Variants in MYO16 observed in about 807,000 individuals in gnomAD.
The protein encoded by MYO16 is myosin XVI, also known as unconventional myosin-XVI.
Under a neutral mutation model 205.3 loss-of-function variants are expected in MYO16, and 94 were observed. The ratio of observed to expected loss-of-function variants is 0.46; its 90% CI spans 0.39 to 0.54. The LOEUF (loss-of-function observed/expected upper bound fraction) is 0.54. MYO16 is among the 20% of genes least tolerant of loss of function. MYO16 has a pLI of 0.00. For missense variants in MYO16, 2,315 were observed against 2,387.5 expected (o/e 0.97, Z 0.63); for synonymous variants, 988 against 954.0 (o/e 1.04, Z -0.66).
the MYO16 span, among the ~76,000 whole-genome samples, chr13:108,541,926 A>G: frequency 5.3e-5 from 8 of 152,346 alleles, no homozygotes; most frequent in South Asian, 1.7e-3. Context: ...GACAAAAAAC[A>G]GAGCTACCAT....
At chr13:108,723,852 T>C (rs970394373) in intron 3 of MYO16, among the ~76,000 whole-genome samples, 1 of 151,196 alleles carries the variant, frequency 6.6e-6, no homozygotes, top group Non-Finnish European at 1.5e-5. Flanking sequence ...TCAATATCTA[T>C]AAAAAAAAAC....
intron 33 of MYO16, 115 bp downstream of exon 33, chr13:109,165,174 G>C (rs2139877603): frequency 1.4e-6 from 1 of 739,496 alleles, no homozygotes; most frequent in Middle Eastern, 3.3e-4. Flanking sequence ...CTGGAAAATA[G>C]AATATAAACC....
chr13:108,747,486 A>C lies in MYO16; in HGVS notation c.507+19903A>C, dbSNP rs1031095787. On this transcript the variant is annotated intron_variant, in intron 4 of 34. Transcript: ENST00000457511. Reference sequence around the variant, plus strand: ...GAAGGTAGATTTGGATTAGTTAAAAATGTATATTGGAAACTTTAGAACAAC... The same window carrying C: ...GAAGGTAGATTTGGATTAGTTAAAACTGTATATTGGAAACTTTAGAACAAC... Among the ~76,000 whole-genome samples, 5 of 152,180 alleles carry C rather than the reference A, an allele frequency of 3.3e-5. No individual in the cohort carries two copies. The East Asian group carries it at 9.6e-4, about 29-fold the overall frequency.
chr13:109,016,212 C>G (rs1023452399), intron 22 of MYO16, among the ~76,000 whole-genome samples: 1 of 152,128 alleles, frequency 6.6e-6, no homozygotes, highest in African/African-American at 2.4e-5. Flanking sequence ...CCCTTCATTT[C>G]GTGATTTACC....
chr13:108,688,360 C>T (rs1049717371), intron 2 of MYO16, among the ~76,000 whole-genome samples: 9 of 152,114 alleles, frequency 5.9e-5, no homozygotes, highest in East Asian at 5.8e-4. Flanking sequence ...GGAATAGTAC[C>T]GATGTGGTAG....
At chr13:109,095,843 G>A (rs1210755634) in intron 27 of MYO16, among the ~76,000 whole-genome samples, 1 of 152,162 alleles carries the variant, frequency 6.6e-6, no homozygotes, top group African/African-American at 2.4e-5. Context: ...TGCAGGCACC[G>A]AAGGCCAACA....
intron 16 of MYO16, among the ~76,000 whole-genome samples, chr13:108,937,117 C>A (rs966570703): frequency 6.6e-6 from 1 of 152,118 alleles, no homozygotes; most frequent in Admixed American, 6.5e-5. Context: ...CTTAATTGAG[C>A]AGGATACGAA....
chr13:109,045,852 G>T (rs1009145236), intron 23 of MYO16, among the ~76,000 whole-genome samples: 2 of 152,088 alleles, frequency 1.3e-5, no homozygotes, highest in African/African-American at 4.8e-5. Context: ...GTCCTCTCTG[G>T]GCTCTCTAGA....
At chr13:108,558,632 A>G in the MYO16 span, among the ~76,000 whole-genome samples, 1 of 152,176 alleles carries the variant, frequency 6.6e-6, no homozygotes, top group Non-Finnish European at 1.5e-5. Context: ...CGAATGGATT[A>G]TAAACCCAGG....
intron 34 of MYO16, among the ~76,000 whole-genome samples, chr13:109,203,968 A>C (rs915596643): frequency 5.3e-5 from 8 of 152,188 alleles, no homozygotes; most frequent in African/African-American, 1.9e-4. Flanking sequence ...CATGTGGTTT[A>C]TCTTCCTTCC....
At chr13:108,964,694 A>G in intron 19 of MYO16, 67 bp from the exon 20 acceptor site, 1 of 1,519,076 alleles carries the variant, frequency 6.6e-7, no homozygotes, top group Non-Finnish European at 9.0e-7. Context: ...GGATATGTGG[A>G]GTTTTGGTTG....
intron 1 of MYO16, among the ~76,000 whole-genome samples, chr13:108,610,825 T>A (rs781730878): frequency 1.1e-4 from 16 of 152,164 alleles, no homozygotes; most frequent in Middle Eastern, 3.4e-3. Flanking sequence ...GCAGAATGGT[T>A]GAAAAGAAAA....
intron 16 of MYO16, among the ~76,000 whole-genome samples, chr13:108,924,150 G>A (rs1881873733): frequency 6.6e-6 from 1 of 152,174 alleles, no homozygotes; most frequent in Non-Finnish European, 1.5e-5. Flanking sequence ...ATTCATTTGA[G>A]TAGGATACTT....
At chr13:108,545,225 T>C in the MYO16 span, among the ~76,000 whole-genome samples, 13 of 152,316 alleles carry the variant, frequency 8.5e-5, no homozygotes, top group Non-Finnish European at 2.9e-5. Flanking sequence ...ACTGGATGTT[T>C]AGCTTCCATT....
At chr13:109,091,755 C>T (rs569298896) in intron 27 of MYO16, among the ~76,000 whole-genome samples, 1 of 152,292 alleles carries the variant, frequency 6.6e-6, no homozygotes, top group Admixed American at 6.5e-5. Flanking sequence ...TACGATATTC[C>T]ATTTTTCTCC....
chr13:108,761,341 G>T (rs2139657202), intron 4 of MYO16, among the ~76,000 whole-genome samples: 1 of 151,962 alleles, frequency 6.6e-6, no homozygotes, highest in African/African-American at 2.4e-5. Context: ...TCCGCAAACA[G>T]ATTTGATCAT....
At chr13:108,656,240 C>T (rs562216870) in intron 1 of MYO16, among the ~76,000 whole-genome samples, 6 of 152,182 alleles carry the variant, frequency 3.9e-5, no homozygotes, top group African/African-American at 1.2e-4. Context: ...ATACTACTCT[C>T]GTGGTAGGGA....
intron 5 of MYO16, among the ~76,000 whole-genome samples, chr13:108,793,278 T>A (rs1403716941): frequency 7.3e-6 from 1 of 137,784 alleles, no homozygotes; most frequent in Non-Finnish European, 1.5e-5. Flanking sequence ...AGAGCAAGAC[T>A]CTGTCTCAAA....
At chr13:108,697,256 C>T (rs1279441613) in intron 2 of MYO16, among the ~76,000 whole-genome samples, 1 of 152,148 alleles carries the variant, frequency 6.6e-6, no homozygotes, top group Non-Finnish European at 1.5e-5. Context: ...ATCCATGTGG[C>T]TCTCCTCCCT....
Sources: allele counts gnomAD v4.1 joint callset (sites outside exome capture counted in the v4.1 genomes callset), GRCh38; gene constraint gnomAD v4.1.1; transcripts MANE v1.5; gene names NCBI Gene and HGNC (gene_info 2026-07-23, HGNC 2026-07-21).